Variants in PCDHGA8 observed in about 807,000 individuals in gnomAD.
The protein encoded by PCDHGA8 is protocadherin gamma subfamily A, 8, also known as protocadherin gamma-A8.
PCDHGA8 carries 45 observed loss-of-function variants against 59.2 expected under a neutral mutation model. The observed-to-expected ratio is 0.76, with a 90% CI of 0.60 to 0.98. The LOEUF is 0.98. PCDHGA8 is among the 50% of genes least tolerant of loss of function. The probability of loss-of-function intolerance (pLI) is 0.00; values close to 1 mark genes in which losing one functional copy is unlikely to be tolerated. For missense variants in PCDHGA8, 1,257 were observed against 1,196.2 expected (o/e 1.05, Z -0.75); for synonymous variants, 531 against 519.0 (o/e 1.02, Z -0.32).
At chr5:141,422,498 C>G in intron 1 of PCDHGA8, 1 of 1,613,966 alleles carries the variant, frequency 6.2e-7, no homozygotes. Context: ...ATAACGTTGA[C>G]AGCCACAGAC....
At position 141,398,898 on chromosome 5, in the gene PCDHGA8, A is replaced by G. The variant is rs565517655; in HGVS notation, c.2424+3661A>G. 11 of 1,613,922 alleles carry G rather than the reference A, an allele frequency of 6.8e-6. No homozygotes were observed. The African/African-American group carries it at 1.1e-4, about 16-fold the overall frequency. ...TCAGCCTTCGGGAAAACGTGCCACCAGGCACCACTGTGTTGCAAGTGTCAG... is the reference window on the plus strand; with the variant it reads ...TCAGCCTTCGGGAAAACGTGCCACCGGGCACCACTGTGTTGCAAGTGTCAG... On this transcript the variant is annotated intron_variant, in intron 1 of 3. Coordinates refer to ENST00000398604, the MANE Select transcript of PCDHGA8 (RefSeq NM_032088.2).
At chr5:141,427,006 G>C (rs1288837425) in intron 1 of PCDHGA8, 3 of 456,792 alleles carry the variant, frequency 6.6e-6, no homozygotes, top group South Asian at 3.1e-5. Flanking sequence ...CCAGTTTTTA[G>C]CCAGGATGTA....
rs561569572 is a variant in PCDHGA8, at chr5:141,512,054, C to A, written c.*881C>A. 6.5e-6 allele frequency: 1 copy of A among 152,828 alleles called. No individual in the cohort carries two copies. The highest frequency in any genetic ancestry group is 1.9e-4 in the East Asian group (1 of 5,184). The allele number at this position is 152,828 out of a possible 1,614,324, so 9.5% of individuals were successfully genotyped here. On this transcript the variant is annotated 3_prime_UTR_variant, in exon 4 of 4. Coordinates refer to ENST00000398604, the MANE Select transcript of PCDHGA8 (RefSeq NM_032088.2). Reference sequence around the variant, plus strand: ...GGAGGCTCTGTATGTCCTCAGGGGACTGACAACATCCTCCAGATTCCAGCC... The same window carrying A: ...GGAGGCTCTGTATGTCCTCAGGGGAATGACAACATCCTCCAGATTCCAGCC...
At chr5:141,467,643 C>G (rs2099147861) in intron 1 of PCDHGA8, among the ~76,000 whole-genome samples, 1 of 152,112 alleles carries the variant, frequency 6.6e-6, no homozygotes, top group Non-Finnish European at 1.5e-5. Flanking sequence ...TTATCATGTA[C>G]CAAACTTCTA....
rs1467738404 is a variant in PCDHGA8 at position 141,430,698 on chromosome 5, G to A, written c.2424+35461G>A. On this transcript the variant is annotated intron_variant, in intron 1 of 3. Coordinates refer to ENST00000398604, the MANE Select transcript of PCDHGA8 (RefSeq NM_032088.2). The stretch of plus-strand genomic sequence containing the variant: ...CAACTGTCCCATTCTATGGGCGAAG[G>A]AACTGCTCCTGACTTCAGTGGTTAA... 4.1e-6 allele frequency: 6 copies of A among 1,451,686 alleles called. No homozygotes were observed. The South Asian group carries it at 7.8e-5, about 19-fold the overall frequency. The allele number at this position is 1,451,686 out of a possible 1,614,324, so 89.9% of individuals were successfully genotyped here.
intron 1 of PCDHGA8, among the ~76,000 whole-genome samples, chr5:141,433,399 CTA>C (rs1491097109): frequency 1.1e-4 from 17 of 150,894 alleles, no homozygotes; most frequent in African/African-American, 4.1e-4. Context: ...ATCTATCTAT[CTA>C]TCTATTACTT....
Position 141,431,789 on chromosome 5 carries a change from G to A in PCDHGA8, c.2424+36552G>A, listed in dbSNP as rs760507500. On this transcript the variant is annotated intron_variant, in intron 1 of 3. Coordinates refer to ENST00000398604, the MANE Select transcript of PCDHGA8 (RefSeq NM_032088.2). This position sits in a 1 kb window ranked among gnomAD's most constrained non-coding sequence, Gnocchi z 4.8. ...CACTGTTCTGGACGTGAACGACAATGCCCCAGAAGTGGTCCTCACCTCTCT... is the reference window on the plus strand; with the variant it reads ...CACTGTTCTGGACGTGAACGACAATACCCCAGAAGTGGTCCTCACCTCTCT... 7.4e-6 allele frequency: 12 copies of A among 1,614,096 alleles called. No homozygotes were observed. The highest frequency in any genetic ancestry group is 5.9e-6 in the Non-Finnish European group (7 of 1,180,042).
intron 1 of PCDHGA8, among the ~76,000 whole-genome samples, chr5:141,401,758 G>A (rs573644467): frequency 6.6e-6 from 1 of 152,234 alleles, no homozygotes; most frequent in East Asian, 1.9e-4. Flanking sequence ...CCCATTACAT[G>A]GTATAAGTCT....
chr5:141,404,185 C>T, intron 1 of PCDHGA8: 1 of 1,613,214 alleles, frequency 6.2e-7, no homozygotes, highest in Non-Finnish European at 8.5e-7. Context: ...AAATTCTTGA[C>T]CGAGAAAAAG....
chr5:141,410,090 C>A (rs369832481), intron 1 of PCDHGA8: 51 of 1,612,358 alleles, frequency 3.2e-5, no homozygotes, highest in Middle Eastern at 1.7e-4. Context: ...GCGCACGGCT[C>A]GAGCCTTAGG....
intron 1 of PCDHGA8, chr5:141,423,007 G>A: frequency 6.2e-7 from 1 of 1,614,242 alleles, no homozygotes; most frequent in Non-Finnish European, 8.5e-7. Flanking sequence ...CAAGGTGGTT[G>A]CGGTGGACAA....
chr5:141,482,609 A>G (rs2099569274), intron 1 of PCDHGA8, among the ~76,000 whole-genome samples: 1 of 151,770 alleles, frequency 6.6e-6, no homozygotes, highest in African/African-American at 2.4e-5. Context: ...AAACACCTAA[A>G]TGAGCCTGGA....
intron 1 of PCDHGA8, among the ~76,000 whole-genome samples, chr5:141,451,107 C>G (rs768308463): frequency 1.2e-4 from 18 of 152,118 alleles, no homozygotes; most frequent in Non-Finnish European, 2.4e-4. Context: ...GGATTACAGG[C>G]GTGAGCCACC....
In PCDHGA8 at chr5:141,418,608, GC is replaced by G. The variant is rs1422456031; in HGVS notation, c.2424+23373del. On this transcript the variant is annotated intron_variant, in intron 1 of 3. Transcript: ENST00000398604. Reference sequence around the variant, plus strand: ...TTCAGCCAGGACGTGTACAGGGTTAGCCTTCGGGAAGACGTGCCTCCAGGCA... The same window carrying G: ...TTCAGCCAGGACGTGTACAGGGTTAGCTTCGGGAAGACGTGCCTCCAGGCA... 4 of 1,613,922 alleles carry G rather than the reference GC, an allele frequency of 2.5e-6. No individual in the cohort carries two copies. In the African/African-American group the frequency reaches 5.3e-5, roughly 22 times the overall value.
chr5:141,423,265 G>A (rs973635802), intron 1 of PCDHGA8: 15 of 1,613,548 alleles, frequency 9.3e-6, no homozygotes, highest in African/African-American at 1.3e-5. Context: ...CGGCAGCCTC[G>A]AGTCTCTGGC....
At chr5:141,395,972 A>G (rs974737736) in intron 1 of PCDHGA8, 1 of 152,218 alleles carries the variant, frequency 6.6e-6, no homozygotes, top group African/African-American at 2.4e-5. Flanking sequence ...CAAAAACATT[A>G]GATCTGAATT....
chr5:141,436,902 G>A (rs2097852984), intron 1 of PCDHGA8, among the ~76,000 whole-genome samples: 1 of 152,210 alleles, frequency 6.6e-6, no homozygotes, highest in Admixed American at 6.5e-5. Flanking sequence ...TTTTATATGA[G>A]ACAATTTTGT....
intron 1 of PCDHGA8, chr5:141,418,509 G>T: frequency 6.2e-7 from 1 of 1,613,986 alleles, no homozygotes; most frequent in Non-Finnish European, 8.5e-7. Flanking sequence ...GCCTTAGATG[G>T]TGGGGACCCT....
chr5:141,463,359 T>C (rs2099057442), intron 1 of PCDHGA8, among the ~76,000 whole-genome samples: 2 of 151,672 alleles, frequency 1.3e-5, no homozygotes, highest in Admixed American at 6.6e-5. Flanking sequence ...GGATTTCCCC[T>C]TTCCTGCCCC....
Sources: allele counts gnomAD v4.1 joint callset (sites outside exome capture counted in the v4.1 genomes callset), GRCh38; gene constraint gnomAD v4.1.1; non-coding constraint Gnocchi (gnomAD v3.1); transcripts MANE v1.5; gene names NCBI Gene and HGNC (gene_info 2026-07-23, HGNC 2026-07-21).